NREP: variants seen among roughly 807,000 people sequenced by gnomAD.
The protein encoded by NREP is neuronal regeneration-related protein.
Under a neutral mutation model 8.6 loss-of-function variants are expected in NREP, and 5 were observed. That is an observed-to-expected ratio of 0.58 (90% CI 0.30 to 1.22). NREP has a LOEUF of 1.22. Among genes scored for constraint, NREP ranks in the 50% most tolerant of loss-of-function variants. NREP has a pLI of 0.07. For missense variants in NREP, 86 were observed against 82.5 expected (o/e 1.04, Z -0.17); for synonymous variants, 27 against 28.0 (o/e 0.96, Z 0.11).
chr5:111,945,584 G>T (rs1169011500), intron 2 of NREP, among the ~76,000 whole-genome samples: 2 of 151,824 alleles, frequency 1.3e-5, no homozygotes, highest in African/African-American at 4.8e-5. Context: ...AAGTCAGAAA[G>T]AATACAAGGG....
chr5:111,921,806 A>G (rs1247716085), intron 2 of NREP, among the ~76,000 whole-genome samples: 1 of 152,120 alleles, frequency 6.6e-6, no homozygotes, highest in African/African-American at 2.4e-5. Context: ...GAGGTAGGTA[A>G]TTGAATAATG....
chr5:111,765,379 G>C lies in NREP; in HGVS notation c.136-29872C>G, dbSNP rs563593924. On this transcript the variant is annotated intron_variant, in intron 2 of 3. Transcript: ENST00000395634. ...AGTACCAGTCTGCACCTTGGGGTTG[G>C]AGACTCCAGGTCTAAATCATGACTA... 5.1e-4 allele frequency among the ~76,000 whole-genome samples: 77 copies of C among 152,276 alleles called. 1 individual carries two copies. The highest frequency in any genetic ancestry group is 4.3e-3 in the Admixed American group (65 of 15,278).
At chr5:111,880,237 G>A (rs764509142) in intron 2 of NREP, among the ~76,000 whole-genome samples, 20 of 152,068 alleles carry the variant, frequency 1.3e-4, no homozygotes, top group African/African-American at 1.9e-4. Flanking sequence ...AGAATTAAAC[G>A]TGTTAATACC....
intron 2 of NREP, among the ~76,000 whole-genome samples, chr5:111,944,060 A>C (rs187666779): frequency 1.8e-4 from 28 of 152,200 alleles, no homozygotes; most frequent in African/African-American, 6.3e-4. Context: ...TATCCCACCT[A>C]GAATTTGTTT....
chr5:111,872,853 T>G (rs1406799746), intron 2 of NREP, among the ~76,000 whole-genome samples: 1 of 152,140 alleles, frequency 6.6e-6, no homozygotes, highest in Non-Finnish European at 1.5e-5. Flanking sequence ...CTCAGAAGTT[T>G]TCCTGGATTA....
intron 2 of NREP, among the ~76,000 whole-genome samples, chr5:111,926,023 T>C (rs558124295): frequency 1.7e-4 from 26 of 152,282 alleles, no homozygotes; most frequent in African/African-American, 6.3e-4. Flanking sequence ...TGGTTTAACA[T>C]AACATCTCTC....
At chr5:111,744,201 A>G (rs1296777319) in intron 2 of NREP, among the ~76,000 whole-genome samples, 2 of 152,126 alleles carry the variant, frequency 1.3e-5, no homozygotes, top group African/African-American at 4.8e-5. Context: ...ATCCTCTTCT[A>G]CTGGTAGCTG....
chr5:111,916,752 T>C (rs1450942127), intron 2 of NREP, among the ~76,000 whole-genome samples: 1 of 152,164 alleles, frequency 6.6e-6, no homozygotes, highest in African/African-American at 2.4e-5. Context: ...TTAAATGAGT[T>C]ACTACTTGTA....
chr5:111,927,087 T>A (rs910547624), intron 2 of NREP, among the ~76,000 whole-genome samples: 2 of 151,990 alleles, frequency 1.3e-5, no homozygotes, highest in African/African-American at 4.8e-5. Flanking sequence ...GAAGGCAGTA[T>A]TCTGAATTGG....
At chr5:111,908,015 C>T (rs1754819263) in intron 2 of NREP, among the ~76,000 whole-genome samples, 1 of 151,956 alleles carries the variant, frequency 6.6e-6, no homozygotes, top group Non-Finnish European at 1.5e-5. Context: ...CTAAAGACAA[C>T]AGTAAGCTAG....
chr5:111,908,627 T>C (rs1441979313), intron 2 of NREP, among the ~76,000 whole-genome samples: 1 of 151,874 alleles, frequency 6.6e-6, no homozygotes, highest in Non-Finnish European at 1.5e-5. Context: ...CATGGCTGCA[T>C]AGTATTTCAT....
At chr5:111,912,900 G>A (rs537772545) in intron 2 of NREP, among the ~76,000 whole-genome samples, 51 of 152,206 alleles carry the variant, frequency 3.4e-4, no homozygotes, top group Admixed American at 1.2e-3. Flanking sequence ...TTATTTCATA[G>A]GTACCACTTG....
At chr5:111,937,885 A>C (rs1048920674) in intron 2 of NREP, among the ~76,000 whole-genome samples, 1 of 151,936 alleles carries the variant, frequency 6.6e-6, no homozygotes, top group Non-Finnish European at 1.5e-5. Context: ...ACCTGATTCA[A>C]AGTTAGGTTG....
upstream of NREP, chr5:111,757,767 C>T (rs1446062783): frequency 1.0e-6 from 1 of 980,520 alleles, no homozygotes; most frequent in African/African-American, 1.7e-5. Flanking sequence ...CCCGGCCTTC[C>T]TCCCCGCCCC....
intron 2 of NREP, among the ~76,000 whole-genome samples, chr5:111,825,630 T>C (rs1351225182): frequency 1.3e-5 from 2 of 152,154 alleles, no homozygotes; most frequent in African/African-American, 2.4e-5. Flanking sequence ...GGATACTGCG[T>C]AGTCAGGAAG....
intron 2 of NREP, among the ~76,000 whole-genome samples, chr5:111,873,861 GC>G (rs1209952697): frequency 2.0e-5 from 3 of 152,112 alleles, no homozygotes; most frequent in African/African-American, 7.2e-5. Flanking sequence ...GAGACTGCAG[GC>G]AGAACACTAG....
At chr5:111,887,983 T>C (rs1248315960) in intron 2 of NREP, among the ~76,000 whole-genome samples, 1 of 152,162 alleles carries the variant, frequency 6.6e-6, no homozygotes, top group Non-Finnish European at 1.5e-5. Context: ...TCCTGTCAAA[T>C]GAATTACTAA....
intron 2 of NREP, among the ~76,000 whole-genome samples, chr5:111,798,947 G>A (rs927857122): frequency 6.6e-6 from 1 of 152,104 alleles, no homozygotes; most frequent in Non-Finnish European, 1.5e-5. Flanking sequence ...ACCTAGCAGT[G>A]GGATTGCTAG....
At chr5:111,863,888 A>G (rs537182866) in intron 2 of NREP, among the ~76,000 whole-genome samples, 1 of 152,260 alleles carries the variant, frequency 6.6e-6, no homozygotes, top group African/African-American at 2.4e-5. Context: ...GGACTTCCTC[A>G]TACCTTGGCA....
Sources: allele counts gnomAD v4.1 joint callset (sites outside exome capture counted in the v4.1 genomes callset), GRCh38; gene constraint gnomAD v4.1.1; transcripts MANE v1.5; gene names NCBI Gene and HGNC (gene_info 2026-07-23, HGNC 2026-07-21).